Variants in TESC observed in about 807,000 individuals in gnomAD.
The protein encoded by TESC is calcineurin B homologous protein 3.
TESC carries 19 observed loss-of-function variants against 31.0 expected under a neutral mutation model. The observed-to-expected ratio is 0.61, with a 90% CI of 0.43 to 0.90. TESC has a LOEUF of 0.90. TESC is among the 40% of genes least tolerant of loss of function. The pLI is 0.00. For missense variants in TESC, 248 were observed against 303.8 expected, an observed-to-expected ratio of 0.82 and a Z score of 1.36; for synonymous variants, 109 against 114.8, an observed-to-expected ratio of 0.95 and a Z score of 0.32.
At chr12:117,041,424 C>A (rs1254412605) in intron 7 of TESC, among the ~76,000 whole-genome samples, 6 of 152,118 alleles carry the variant, frequency 3.9e-5, no homozygotes, top group Non-Finnish European at 8.8e-5. Context: ...CCTCTACCTC[C>A]TGGATTCAAG....
chr12:117,058,216 A>T (rs1430844114), intron 2 of TESC, among the ~76,000 whole-genome samples: 1 of 152,102 alleles, frequency 6.6e-6, no homozygotes, highest in East Asian at 1.9e-4. Flanking sequence ...GTCTCAAAAA[A>T]CTTTTGAGTT....
intron 1 of TESC, chr12:117,083,855 G>C (rs1035315383): frequency 6.6e-6 from 1 of 152,182 alleles, no homozygotes; most frequent in Non-Finnish European, 1.5e-5. Context: ...CCAGCACTTT[G>C]GGAGGCTGAG....
At position 117,056,826 on chromosome 12, in the gene TESC, A is replaced by G. The variant is rs1954733044; in HGVS notation, c.189T>C (p.Val63=). The stretch of plus-strand genomic sequence containing the variant: ...CCCACCTGTTGTCGAAGAAGGCACG[A>G]ACAATTTTGGATCGGATGGGGTTGA... The part of the protein sequence containing the change: ...LELNPIRSKI[V]RAFFDNRNLR... Residue 63 remains valine, a synonymous_variant, in exon 3 of 8, where the codon GTT becomes GTC. Transcript: ENST00000335209. 1.2e-6 allele frequency: 2 copies of G among 1,614,070 alleles called. No individual in the cohort carries two copies. Among genetic ancestry groups the G allele is most frequent in the Admixed American group, 1.7e-5 (1 of 60,004 alleles).
chr12:117,044,690 G>A (rs566270881), intron 6 of TESC, among the ~76,000 whole-genome samples: 1 of 152,322 alleles, frequency 6.6e-6, no homozygotes, highest in Admixed American at 6.5e-5. Context: ...TTGAGGTCAG[G>A]AGTTCGAGAC....
intron 1 of TESC, among the ~76,000 whole-genome samples, chr12:117,081,683 C>G (rs1955150181): frequency 6.6e-6 from 1 of 152,110 alleles, no homozygotes; most frequent in Non-Finnish European, 1.5e-5. Context: ...GCTGGTGGAT[C>G]ACCTGAGGTC....
chr12:117,071,342 C>G (rs948455855), intron 2 of TESC, among the ~76,000 whole-genome samples: 1 of 152,210 alleles, frequency 6.6e-6, no homozygotes, highest in African/African-American at 2.4e-5. Context: ...TCCTGCCCTC[C>G]AAGAAGCCAC....
At chr12:117,071,047 A>G (rs1339854972) in intron 2 of TESC, among the ~76,000 whole-genome samples, 3 of 152,314 alleles carry the variant, frequency 2.0e-5, no homozygotes, top group African/African-American at 7.2e-5. Flanking sequence ...AAGAGCTTAC[A>G]TTTGTGAGCT....
chr12:117,094,412 C>T (rs11835557), intron 1 of TESC, among the ~76,000 whole-genome samples: 1,716 of 152,238 alleles, frequency 0.011, 32 homozygotes, highest in African/African-American at 0.039. Context: ...CTGAACAATA[C>T]ACCTTGAGTT....
intron 1 of TESC, among the ~76,000 whole-genome samples, chr12:117,077,488 C>T (rs1170868586): frequency 6.6e-6 from 1 of 152,204 alleles, no homozygotes; most frequent in African/African-American, 2.4e-5. Flanking sequence ...CATGGCGGTG[C>T]CATTGGAATC....
chr12:117,053,115 C>T (rs1031288467), intron 3 of TESC, among the ~76,000 whole-genome samples: 2 of 152,228 alleles, frequency 1.3e-5, no homozygotes, highest in Non-Finnish European at 1.5e-5. Context: ...CTTGTTTCAA[C>T]GTCCAACTTC....
At chr12:117,053,644 T>C (rs925391242) in intron 3 of TESC, among the ~76,000 whole-genome samples, 3 of 152,144 alleles carry the variant, frequency 2.0e-5, no homozygotes, top group Admixed American at 6.5e-5. Flanking sequence ...CTTCCAACTT[T>C]ACAACTGGCC....
chr12:117,046,655 C>T lies in TESC; in HGVS notation c.423G>A (p.Glu141=), dbSNP rs1954567492. The T allele has an allele frequency of 1.9e-6, 3 of 1,551,986 alleles. No individual in the cohort carries two copies. The highest frequency in any genetic ancestry group is 2.6e-6 in the Non-Finnish European group (3 of 1,147,196). Residue 141 remains glutamate, a synonymous_variant, in exon 6 of 8, where the codon GAG becomes GAA. Transcript: ENST00000335209. ...TLEEYRNVVE[E]LLSGNPHIEK... ...CGATGTGAGGGTTTCCCGACAGCAG[C>T]TCCTCGACCACCTGCCAGGTGGGGC... is the stretch of plus-strand genomic sequence containing the variant.
intron 1 of TESC, among the ~76,000 whole-genome samples, chr12:117,082,092 G>A (rs1405243089): frequency 1.3e-5 from 2 of 151,836 alleles, no homozygotes; most frequent in African/African-American, 2.4e-5. Flanking sequence ...AATTAGCTGG[G>A]TGTGGACTAG....
intron 1 of TESC, among the ~76,000 whole-genome samples, chr12:117,094,841 C>A (rs960627637): frequency 1.3e-5 from 2 of 151,784 alleles, no homozygotes; most frequent in African/African-American, 4.8e-5. Context: ...CATGGTGAAA[C>A]CCTGTCTCTA....
At chr12:117,044,922 G>C (rs946321217) in intron 6 of TESC, among the ~76,000 whole-genome samples, 4 of 152,100 alleles carry the variant, frequency 2.6e-5, no homozygotes, top group South Asian at 2.1e-4. Context: ...AAAAGAGAGA[G>C]AGACAGATCC....
intron 3 of TESC, among the ~76,000 whole-genome samples, chr12:117,051,166 T>C (rs1486872394): frequency 3.3e-5 from 5 of 152,238 alleles, no homozygotes; most frequent in Non-Finnish European, 2.9e-5. Context: ...ATATGTTACT[T>C]GGGTCCCACC....
At chr12:117,065,499 G>A (rs893967933) in intron 2 of TESC, among the ~76,000 whole-genome samples, 1 of 152,190 alleles carries the variant, frequency 6.6e-6, no homozygotes, top group African/African-American at 2.4e-5. Context: ...GCTTTGAAAG[G>A]GGCATGTTAA....
At chr12:117,075,893 A>ATATATATATGTGTG (rs1955057092) in intron 1 of TESC, among the ~76,000 whole-genome samples, 1 of 82,178 alleles carries the variant, frequency 1.2e-5, no homozygotes, top group African/African-American at 7.0e-5. Flanking sequence ...ATATATATAT[A>ATATATATATGTGTG]TATATATATA....
At chr12:117,093,685 G>A (rs1293308876) in intron 1 of TESC, among the ~76,000 whole-genome samples, 1 of 152,242 alleles carries the variant, frequency 6.6e-6, no homozygotes, top group African/African-American at 2.4e-5. Context: ...AGCTACTGCG[G>A]ATACGCTGCC....
Sources: allele counts gnomAD v4.1 joint callset (sites outside exome capture counted in the v4.1 genomes callset), GRCh38; gene constraint gnomAD v4.1.1; transcripts MANE v1.5; gene names NCBI Gene and HGNC (gene_info 2026-07-23, HGNC 2026-07-21).